STXBP5L: variants seen among roughly 807,000 people sequenced by gnomAD.
STXBP5L encodes the protein syntaxin binding protein 5L.
A neutral mutation model predicts 144.5 loss-of-function variants in STXBP5L; 65 were observed. That is an observed-to-expected ratio of 0.45 (90% CI 0.37 to 0.55). The LOEUF (loss-of-function observed/expected upper bound fraction) is 0.55, where lower values mean the gene tolerates loss of function less well. STXBP5L is among the 20% of genes least tolerant of loss of function. The pLI is 0.00. For synonymous variants in STXBP5L, 505 were observed against 469.6 expected (o/e 1.08, Z -0.97); for missense variants, 1,298 against 1,405.5 (o/e 0.92, Z 1.22).
rs561712431 is a variant in STXBP5L at position 121,074,509 on chromosome 3, G to C, written c.470+28974G>C. Among the ~76,000 whole-genome samples, 131 of 152,182 alleles carry C rather than the reference G, an allele frequency of 8.6e-4. 1 individual carries two copies. Among genetic ancestry groups the C allele is most frequent in the African/African-American group, 3.0e-3 (123 of 41,526 alleles). ...GCTTCTGCTGGGATGGGATACTGACGGATTCACACTGGGTAAGTGCCCCGC... is the reference window on the plus strand; with the variant it reads ...GCTTCTGCTGGGATGGGATACTGACCGATTCACACTGGGTAAGTGCCCCGC... On this transcript the variant is annotated intron_variant, in intron 5 of 26. Coordinates refer to ENST00000471454, the MANE Select transcript of STXBP5L (RefSeq NM_001308330.2).
At chr3:121,188,811 A>G in intron 9 of STXBP5L, among the ~76,000 whole-genome samples, 1 of 152,308 alleles carries the variant, frequency 6.6e-6, no homozygotes, top group African/African-American at 2.4e-5. Context: ...ACATATCTCC[A>G]AATAATAAGA....
chr3:121,345,331 A>G (rs529293592), intron 20 of STXBP5L, among the ~76,000 whole-genome samples: 101 of 152,278 alleles, frequency 6.6e-4, no homozygotes, highest in South Asian at 1.2e-3. Flanking sequence ...CCTGCAAAGG[A>G]CATGAACTCA....
intron 10 of STXBP5L, among the ~76,000 whole-genome samples, chr3:121,209,933 CTTTG>C (rs2048490619): frequency 6.6e-6 from 1 of 152,190 alleles, no homozygotes. Context: ...ATTTATAATC[CTTTG>C]GGTATATACC....
At chr3:121,409,505 A>G (rs1310036823) in intron 23 of STXBP5L, among the ~76,000 whole-genome samples, 1 of 151,888 alleles carries the variant, frequency 6.6e-6, no homozygotes, top group Non-Finnish European at 1.5e-5. Flanking sequence ...TCAAGGAGAC[A>G]AGAATAGAGG....
rs201135207 is a variant in STXBP5L, at chr3:121,077,224, G to C, written c.470+31689G>C. Reference sequence around the variant, plus strand: ...ACCCTGTCAAAACAGAAAATCTTCTGTCTCCACTCCCGGATGGGTCCCCAG... The same window carrying C: ...ACCCTGTCAAAACAGAAAATCTTCTCTCTCCACTCCCGGATGGGTCCCCAG... On this transcript the variant is annotated intron_variant, in intron 5 of 26. Transcript: ENST00000471454. 6.6e-5 allele frequency among the ~76,000 whole-genome samples: 10 copies of C among 152,146 alleles called. No individual in the cohort carries two copies. The East Asian group carries it at 1.5e-3, about 23-fold the overall frequency.
chr3:121,413,385 G>A, intron 24 of STXBP5L, 62 bp downstream of exon 24: 1 of 1,385,110 alleles, frequency 7.2e-7, no homozygotes, highest in Non-Finnish European at 9.5e-7. Context: ...TGAGAAAGAT[G>A]TCTAAAAACA....
chr3:121,036,922 A>T (rs983659116), intron 3 of STXBP5L, among the ~76,000 whole-genome samples: 7 of 151,710 alleles, frequency 4.6e-5, no homozygotes, highest in South Asian at 2.1e-4. Context: ...TCTTTAAAAA[A>T]TTTTAAAAAT....
At chr3:120,964,141 C>T (rs528316132) in intron 3 of STXBP5L, among the ~76,000 whole-genome samples, 2 of 151,726 alleles carry the variant, frequency 1.3e-5, no homozygotes, top group African/African-American at 2.4e-5. Flanking sequence ...TTTTTTATTG[C>T]ATGTATTTGA....
At chr3:121,069,269 A>T (rs1386873544) in intron 5 of STXBP5L, among the ~76,000 whole-genome samples, 1 of 152,148 alleles carries the variant, frequency 6.6e-6, no homozygotes, top group Non-Finnish European at 1.5e-5. Context: ...ACTTTTTGGG[A>T]TTGTATTTTT....
At chr3:120,941,559 GATAATT>G (rs1710568301) in intron 2 of STXBP5L, among the ~76,000 whole-genome samples, 1 of 151,474 alleles carries the variant, frequency 6.6e-6, no homozygotes, top group African/African-American at 2.4e-5. Flanking sequence ...TGAATACAGA[GATAATT>G]ATATATTGAT....
intron 3 of STXBP5L, among the ~76,000 whole-genome samples, chr3:120,974,757 A>C (rs890834206): frequency 3.9e-5 from 6 of 152,190 alleles, no homozygotes; most frequent in Non-Finnish European, 8.8e-5. Context: ...AGCTTTCTAC[A>C]TATGGCTAGC....
chr3:121,104,567 T>C lies in STXBP5L; in HGVS notation c.471-10358T>C, dbSNP rs187185017. Among the ~76,000 whole-genome samples the C allele has an allele frequency of 1.8e-3, 279 of 152,016 alleles. 3 individuals carry two copies. The highest frequency in any genetic ancestry group is 0.017 in the Middle Eastern group (5 of 294). ...AAATAGGCATGTAGGGAAATGGAAC[T>C]AAATAGGGAACCCAAAAATAAAGCC... On this transcript the variant is annotated intron_variant, in intron 5 of 26. Coordinates refer to ENST00000471454, the MANE Select transcript of STXBP5L (RefSeq NM_001308330.2).
At chr3:121,190,580 G>C (rs1049951764) in intron 9 of STXBP5L, among the ~76,000 whole-genome samples, 1 of 152,204 alleles carries the variant, frequency 6.6e-6, no homozygotes. Flanking sequence ...ACACCTCCCA[G>C]ATGGGGTGGC....
Position 120,964,196 on chromosome 3 carries a change from A to G in STXBP5L, c.287+9159A>G, listed in dbSNP as rs1156261259. On this transcript the variant is annotated intron_variant, in intron 3 of 26. Coordinates refer to ENST00000471454, the MANE Select transcript of STXBP5L (RefSeq NM_001308330.2). ...TTATTAGTCTTGCTAGTGGTCTATC[A>G]ATTTTGTTGATCTTTTCCAAAAAAG... 2.6e-5 allele frequency among the ~76,000 whole-genome samples: 4 copies of G among 152,030 alleles called. No homozygotes were observed. The East Asian group carries it at 7.7e-4, about 29-fold the overall frequency.
At chr3:121,404,503 T>C (rs930488992) in intron 22 of STXBP5L, among the ~76,000 whole-genome samples, 1 of 152,062 alleles carries the variant, frequency 6.6e-6, no homozygotes, top group Non-Finnish European at 1.5e-5. Context: ...ATTCTCAAAA[T>C]CCTTCCATCT....
At chr3:121,004,117 C>T (rs988057775) in intron 3 of STXBP5L, among the ~76,000 whole-genome samples, 5 of 151,904 alleles carry the variant, frequency 3.3e-5, no homozygotes, top group African/African-American at 1.2e-4. Flanking sequence ...GGGGATGGCA[C>T]TGAATCTATA....
intron 3 of STXBP5L, among the ~76,000 whole-genome samples, chr3:120,976,254 C>T (rs1231713605): frequency 6.6e-6 from 1 of 152,170 alleles, no homozygotes; most frequent in Non-Finnish European, 1.5e-5. Context: ...GATTCAACTT[C>T]TTCCTGGTTT....
At chr3:120,977,557 A>T (rs988995691) in intron 3 of STXBP5L, among the ~76,000 whole-genome samples, 1 of 152,098 alleles carries the variant, frequency 6.6e-6, no homozygotes, top group Non-Finnish European at 1.5e-5. Flanking sequence ...GAAAGTTAAT[A>T]TTGTTATGTG....
intron 19 of STXBP5L, chr3:121,282,284 G>T: frequency 6.2e-7 from 1 of 1,611,936 alleles, no homozygotes; most frequent in Middle Eastern, 1.7e-4. Context: ...TGCATGCGTG[G>T]CCTGTCTAAC....
Sources: allele counts gnomAD v4.1 joint callset (sites outside exome capture counted in the v4.1 genomes callset), GRCh38; gene constraint gnomAD v4.1.1; transcripts MANE v1.5; gene names NCBI Gene and HGNC (gene_info 2026-07-23, HGNC 2026-07-21).